The following ZIK1 variants were observed in gnomAD, a reference collection of about 807,000 sequenced individuals.
The protein encoded by ZIK1 is zinc finger protein interacting with ribonucleoprotein K.
In ZIK1, 12 loss-of-function variants were observed where a neutral mutation model predicts 10.7. The ratio of observed to expected loss-of-function variants is 1.12; its 90% CI spans 0.72 to 1.81. The LOEUF is 1.81. Ranked by LOEUF, ZIK1 falls within the 40% of genes most tolerant of loss-of-function variation. ZIK1 has a pLI of 0.00. For synonymous variants in ZIK1, 190 were observed against 205.0 expected (o/e 0.93, Z 0.63); for missense variants, 497 against 585.7 (o/e 0.85, Z 1.56).
intron 2 of ZIK1, among the ~76,000 whole-genome samples, chr19:57,588,163 G>T (rs1979328632): frequency 1.3e-5 from 2 of 152,224 alleles, no homozygotes; most frequent in Admixed American, 1.3e-4. Flanking sequence ...GACTGAGCGA[G>T]TATGGTTCAA....
chr19:57,590,678 C>T lies in ZIK1; in HGVS notation c.867C>T (p.His289=). 1 of 1,614,130 alleles carries T rather than the reference C, an allele frequency of 6.2e-7. No homozygotes were observed. The change falls in exon 4 of 4, where the codon CAC becomes CAT. Residue 289 remains histidine (H), a synonymous_variant. Coordinates refer to ENST00000597850, the MANE Select transcript of ZIK1 (RefSeq NM_001010879.4). ...TSHLNDHRRI[H]TGERPYECSE... ...ACCTGAATGATCATCGGAGAATCCA[C>T]ACCGGAGAAAGGCCTTATGAGTGCA... is the stretch of plus-strand genomic sequence containing the variant.
rs1458094981 is a variant in ZIK1 at position 57,590,679 on chromosome 19, A to G, written c.868A>G (p.Thr290Ala). The G allele has an allele frequency of 4.3e-6, 7 of 1,614,062 alleles. No homozygotes were observed. The Admixed American group carries it at 1.2e-4, about 27-fold the overall frequency. Residue 290 changes from threonine (T) to alanine (A), a missense_variant, in exon 4 of 4, where the codon ACC becomes GCC. Physicochemically the swap from Thr to Ala is moderately conservative, Grantham distance 58. Transcript: ENST00000597850. ...CCTGAATGATCATCGGAGAATCCAC[A>G]CCGGAGAAAGGCCTTATGAGTGCAG... is the stretch of plus-strand genomic sequence containing the variant. ...SHLNDHRRIH[T>A]GERPYECSEC...
rs1978911298 is a variant in ZIK1 at position 57,584,150 on chromosome 19, C to A, written c.-207C>A. ...GGGACTTCCGGTATCACTTCAGTGG[C>A]GGTCATTTTTGCAGCGCTTGGGTGC... On this transcript the variant is annotated 5_prime_UTR_variant, in exon 1 of 4. Transcript: ENST00000597850. The A allele has an allele frequency of 2.9e-5, 27 of 939,460 alleles. No individual in the cohort carries two copies. Among genetic ancestry groups the A allele is most frequent in the Non-Finnish European group, 3.8e-5 (25 of 655,884 alleles). 58.2% of individuals were successfully genotyped at this position (939,460 alleles called of 1,614,324 possible).
rs1344778001 is a variant in ZIK1 at position 57,590,796 on chromosome 19, G to T, written c.985G>T (p.Gly329Trp). 2.5e-6 allele frequency: 4 copies of T among 1,614,070 alleles called. No individual in the cohort carries two copies. In the Admixed American group the frequency reaches 6.7e-5, roughly 27 times the overall value. ...AAGGCCTTATGAGTGTAGCCAGTGT[G>T]GGAAATCCTTTAGCCAAAAAGCCAC... ...GARPYECSQC[G>W]KSFSQKATLV... The change falls in exon 4 of 4, where the codon GGG becomes TGG. Residue 329 changes from glycine (G) to tryptophan (W), a missense_variant. Transcript: ENST00000597850.
chr19:57,587,273 G>A, intron 2 of ZIK1, among the ~76,000 whole-genome samples: 1 of 152,168 alleles, frequency 6.6e-6, no homozygotes, highest in Middle Eastern at 3.2e-3. Context: ...AGTGGTCAAG[G>A]CTTCCAAGGC....
Sources: gnomAD v4.1 joint callset for allele counts (sites outside exome capture counted in the v4.1 genomes callset) on GRCh38, gnomAD v4.1.1 for gene constraint, MANE v1.5 for transcripts, NCBI Gene and HGNC (gene_info 2026-07-23, HGNC 2026-07-21) for gene names.